The following CAMK4 variants were observed in gnomAD, a reference collection of about 807,000 sequenced individuals.
CAMK4 encodes calcium/calmodulin-dependent protein kinase type IV.
CAMK4 carries 22 observed loss-of-function variants against 44.9 expected under a neutral mutation model. The observed-to-expected ratio is 0.49, with a 90% CI of 0.35 to 0.70. The LOEUF is 0.70. CAMK4 is among the 30% of genes least tolerant of loss of function. The pLI, the probability that CAMK4 is intolerant of heterozygous loss-of-function variation, is 0.01. For synonymous variants in CAMK4, 218 were observed against 215.4 expected (o/e 1.01, Z -0.11); for missense variants, 498 against 586.8 (o/e 0.85, Z 1.56).
chr5:111,396,711 G>C (rs900843106), intron 5 of CAMK4, among the ~76,000 whole-genome samples: 1 of 130,126 alleles, frequency 7.7e-6, no homozygotes, highest in Non-Finnish European at 1.5e-5. Flanking sequence ...CGTGATCTTG[G>C]CTCACTGCAA....
chr5:111,412,596 A>G (rs910183721), intron 5 of CAMK4, among the ~76,000 whole-genome samples: 3 of 152,182 alleles, frequency 2.0e-5, no homozygotes, highest in East Asian at 1.9e-4. Flanking sequence ...TACAACCACT[A>G]AATTGTCATT....
chr5:111,479,060 G>T (rs1454483035), intron 9 of CAMK4, among the ~76,000 whole-genome samples: 1 of 152,014 alleles, frequency 6.6e-6, no homozygotes, highest in Non-Finnish European at 1.5e-5. Context: ...AAAGTTTTTT[G>T]GAAATATGGG....
chr5:111,227,920 G>C (rs1031599688), intron 1 of CAMK4, among the ~76,000 whole-genome samples: 1 of 152,190 alleles, frequency 6.6e-6, no homozygotes, highest in South Asian at 2.1e-4. Context: ...AGATCCTCGA[G>C]AGCAGTTGGT....
At chr5:111,351,752 T>A (rs1194950980) in intron 2 of CAMK4, among the ~76,000 whole-genome samples, 1 of 152,078 alleles carries the variant, frequency 6.6e-6, no homozygotes, top group Non-Finnish European at 1.5e-5. Context: ...TTTAAAATGG[T>A]ACTCATAAAA....
chr5:111,458,353 A>C (rs1209140719), intron 7 of CAMK4, among the ~76,000 whole-genome samples: 1 of 152,208 alleles, frequency 6.6e-6, no homozygotes, highest in Non-Finnish European at 1.5e-5. Flanking sequence ...GAAGTTTGAA[A>C]TCTGAAGAAA....
chr5:111,376,845 T>C lies in CAMK4; in HGVS notation c.304-15T>C. 1 of 1,463,758 alleles carries C rather than the reference T, an allele frequency of 6.8e-7. No individual in the cohort carries two copies. The highest frequency in any genetic ancestry group is 2.3e-5 in the East Asian group (1 of 43,778). The allele number at this position is 1,463,758 out of a possible 1,614,324, so 90.7% of individuals were successfully genotyped here. A position where few individuals can be genotyped will look rare whatever the true frequency, so the allele number is the denominator to read the frequency against. On this transcript the variant is annotated splice_polypyrimidine_tract_variant and intron_variant, in intron 3 of 10. Transcript: ENST00000282356. ...AAGAAATTTGTGATATTCTTTTTTT[T>C]ATATCTTTCCCTAGATAAAACTTAA... is the stretch of plus-strand genomic sequence containing the variant.
chr5:111,400,676 G>A (rs552189571), intron 5 of CAMK4, among the ~76,000 whole-genome samples: 3 of 151,976 alleles, frequency 2.0e-5, no homozygotes, highest in Non-Finnish European at 4.4e-5. Context: ...TTTAAAGTGT[G>A]TTTGAAAGAT....
intron 2 of CAMK4, among the ~76,000 whole-genome samples, chr5:111,373,637 C>T (rs73788898): frequency 2.0e-5 from 3 of 152,140 alleles, no homozygotes; most frequent in Middle Eastern, 3.4e-3. Flanking sequence ...TGAGGTCAAC[C>T]TTTTCTTCCT....
intron 2 of CAMK4, chr5:111,365,037 A>T (rs1036705563): frequency 6.6e-6 from 1 of 152,160 alleles, no homozygotes; most frequent in Admixed American, 6.6e-5. Flanking sequence ...TTGAGCCTAA[A>T]CTCACACTGA....
At chr5:111,257,389 T>C (rs1321735510) in intron 1 of CAMK4, among the ~76,000 whole-genome samples, 1 of 152,140 alleles carries the variant, frequency 6.6e-6, no homozygotes, top group Non-Finnish European at 1.5e-5. Context: ...ACAAACATAT[T>C]TTAAAAAGCT....
At chr5:111,238,511 T>C (rs1429100175) in intron 1 of CAMK4, among the ~76,000 whole-genome samples, 3 of 152,034 alleles carry the variant, frequency 2.0e-5, no homozygotes, top group African/African-American at 4.8e-5. Context: ...TGGCACCCGA[T>C]TGCAGACTTC....
chr5:111,413,410 C>G (rs1752698648), intron 5 of CAMK4, among the ~76,000 whole-genome samples: 2 of 151,890 alleles, frequency 1.3e-5, no homozygotes, highest in African/African-American at 4.8e-5. Context: ...AACCCTGTCT[C>G]TACTAAAAAT....
At chr5:111,264,320 T>C (rs1238469241) in intron 1 of CAMK4, among the ~76,000 whole-genome samples, 2 of 152,152 alleles carry the variant, frequency 1.3e-5, no homozygotes, top group African/African-American at 4.8e-5. Flanking sequence ...AGGGGTTTGG[T>C]GTGCCGATGG....
chr5:111,415,237 C>T (rs1428616019), intron 5 of CAMK4, among the ~76,000 whole-genome samples: 2 of 152,156 alleles, frequency 1.3e-5, no homozygotes, highest in East Asian at 3.9e-4. Context: ...TGGCTCTGCC[C>T]CACCCAGGAT....
chr5:111,457,056 A>G (rs1754441932), intron 7 of CAMK4, among the ~76,000 whole-genome samples: 1 of 152,192 alleles, frequency 6.6e-6, no homozygotes, highest in Non-Finnish European at 1.5e-5. Flanking sequence ...GAGGTCAATG[A>G]GCTGCTCAGA....
intron 1 of CAMK4, among the ~76,000 whole-genome samples, chr5:111,257,525 G>A (rs1749793207): frequency 6.6e-6 from 1 of 152,162 alleles, no homozygotes; most frequent in African/African-American, 2.4e-5. Context: ...TGGAGAAATA[G>A]GAATGCTTTT....
chr5:111,308,783 A>C (rs909369570), intron 1 of CAMK4, among the ~76,000 whole-genome samples: 3 of 152,218 alleles, frequency 2.0e-5, no homozygotes, highest in Non-Finnish European at 4.4e-5. Flanking sequence ...TGCCTTCTGT[A>C]ATCTTAAAAT....
At chr5:111,420,000 T>C (rs1752964994) in intron 5 of CAMK4, among the ~76,000 whole-genome samples, 1 of 152,126 alleles carries the variant, frequency 6.6e-6, no homozygotes, top group South Asian at 2.1e-4. Context: ...GGTAGCTTGA[T>C]GGGGTGGCAT....
intron 5 of CAMK4, among the ~76,000 whole-genome samples, chr5:111,433,971 G>A (rs1242268365): frequency 1.3e-5 from 2 of 152,148 alleles, no homozygotes. Flanking sequence ...ATGACCTGGT[G>A]TTTGGATATA....
Sources: allele counts gnomAD v4.1 joint callset (sites outside exome capture counted in the v4.1 genomes callset), GRCh38; gene constraint gnomAD v4.1.1; transcripts MANE v1.5; gene names NCBI Gene and HGNC (gene_info 2026-07-23, HGNC 2026-07-21).